LSAMP: variants seen among roughly 807,000 people sequenced by gnomAD.
The protein encoded by LSAMP is limbic system associated membrane protein.
LSAMP carries 7 observed loss-of-function variants against 38.6 expected under a neutral mutation model. The ratio of observed to expected loss-of-function variants is 0.18; its 90% CI spans 0.10 to 0.34. LSAMP has a LOEUF of 0.34. Among genes scored for constraint, LSAMP ranks in the 10% least tolerant of loss-of-function variants. The pLI is 1.00. For missense variants in LSAMP, 313 were observed against 420.0 expected, an observed-to-expected ratio of 0.75 and a Z score of 2.23; for synonymous variants, 154 against 166.8, an observed-to-expected ratio of 0.92 and a Z score of 0.59.
chr3:116,198,774 A>AAAAAAAAAAAAG (rs549926095), intron 1 of LSAMP, among the ~76,000 whole-genome samples: 1 of 148,584 alleles, frequency 6.7e-6, no homozygotes, highest in Non-Finnish European at 1.5e-5. Context: ...CCGTCTCAGA[A>AAAAAAAAAAAAG]AAAAAAAGAA....
chr3:116,280,094 G>A (rs1421106026), intron 1 of LSAMP, among the ~76,000 whole-genome samples: 1 of 152,142 alleles, frequency 6.6e-6, no homozygotes, highest in Admixed American at 6.5e-5. Context: ...TCACTCTGGT[G>A]TAACGTAAGA....
At chr3:116,396,624 C>T (rs1041823541) in intron 1 of LSAMP, among the ~76,000 whole-genome samples, 1 of 152,156 alleles carries the variant, frequency 6.6e-6, no homozygotes, top group Non-Finnish European at 1.5e-5. Flanking sequence ...TTTAGAGCTA[C>T]TTTATATTTC....
chr3:116,334,981 C>A (rs1425077921), intron 1 of LSAMP, among the ~76,000 whole-genome samples: 1 of 151,920 alleles, frequency 6.6e-6, no homozygotes. Flanking sequence ...TATAGAAAAT[C>A]TTAATAGTTC....
At position 116,168,373 on chromosome 3, in the gene LSAMP, G is replaced by GA. The variant is rs199679942; in HGVS notation, c.156-81818dup. ...ATTCATTTACATTTGAAACAAGAGA[G>GA]AAAAAAAAACCCATCATTTTATTGT... On this transcript the variant is annotated intron_variant, in intron 1 of 6. Transcript: ENST00000490035. Among the ~76,000 whole-genome samples the GA allele has an allele frequency of 1.8e-3, 272 of 150,292 alleles. 6 individuals are homozygous for GA. The highest frequency in any genetic ancestry group is 0.011 in the Admixed American group (169 of 15,118).
At chr3:116,101,500 TC>T (rs1416071294) in intron 1 of LSAMP, among the ~76,000 whole-genome samples, 1 of 152,206 alleles carries the variant, frequency 6.6e-6, no homozygotes, top group African/African-American at 2.4e-5. Context: ...AGTGATCAGA[TC>T]AGGGCAATCA....
intron 2 of LSAMP, among the ~76,000 whole-genome samples, chr3:116,073,510 T>C (rs1273814277): frequency 6.6e-6 from 1 of 152,210 alleles, no homozygotes; most frequent in Non-Finnish European, 1.5e-5. Context: ...CTTTGGGCAG[T>C]GTGGCCATTT....
intron 1 of LSAMP, among the ~76,000 whole-genome samples, chr3:116,126,196 C>A (rs557222626): frequency 6.6e-6 from 1 of 152,172 alleles, no homozygotes; most frequent in South Asian, 2.1e-4. Context: ...ACATCTGGAC[C>A]TCACACTGAA....
intron 3 of LSAMP, among the ~76,000 whole-genome samples, chr3:115,928,052 C>T (rs1937521163): frequency 6.6e-6 from 1 of 152,122 alleles, no homozygotes; most frequent in African/African-American, 2.4e-5. Flanking sequence ...TTTAAAATTG[C>T]AATCCCCATG....
chr3:116,091,236 G>A (rs766031122), intron 1 of LSAMP, among the ~76,000 whole-genome samples: 3 of 152,190 alleles, frequency 2.0e-5, no homozygotes, highest in Admixed American at 2.0e-4. Context: ...CCGGCTCACC[G>A]GCGGCCAGAG....
In LSAMP at chr3:116,333,545, A is replaced by G. The variant is rs949771350; in HGVS notation, c.155+111332T>C. ...CAAGGTTCCATCTCAAAAAAAAAAA[A>G]AAAAAAGATATCATACAAGTATCTT... is the stretch of plus-strand genomic sequence containing the variant. On this transcript the variant is annotated intron_variant, in intron 1 of 6. Coordinates refer to ENST00000490035, the MANE Select transcript of LSAMP (RefSeq NM_002338.5). Among the ~76,000 whole-genome samples the G allele has an allele frequency of 2.0e-5, 3 of 152,050 alleles. No individual in the cohort carries two copies. In the East Asian group the frequency reaches 5.8e-4, roughly 29 times the overall value.
intron 3 of LSAMP, among the ~76,000 whole-genome samples, chr3:115,949,739 C>A (rs911375597): frequency 1.3e-5 from 2 of 151,900 alleles, no homozygotes; most frequent in South Asian, 4.2e-4. Flanking sequence ...CTCTAAGAAG[C>A]CAGTATCACC....
intron 1 of LSAMP, among the ~76,000 whole-genome samples, chr3:116,435,241 C>T (rs960464293): frequency 6.6e-5 from 10 of 152,140 alleles, no homozygotes; most frequent in African/African-American, 2.2e-4. Flanking sequence ...TCTTTTACTC[C>T]TTAACTAGGT....
rs71323426 is a variant in LSAMP at position 116,080,975 on chromosome 3, A to G, written c.388+5349T>C. On this transcript the variant is annotated intron_variant, in intron 2 of 6. Transcript: ENST00000490035. ...ATGAGTTTATTAAGAAAGGGAAGGA[A>G]GAAGGATGGGAGTGAAGGAAGAAAG... Among the ~76,000 whole-genome samples the G allele has an allele frequency of 5.0e-3, 763 of 152,352 alleles. 3 individuals are homozygous for G. Among genetic ancestry groups the G allele is most frequent in the South Asian group, 9.5e-3 (46 of 4,830 alleles).
intron 2 of LSAMP, among the ~76,000 whole-genome samples, chr3:116,085,193 A>G (rs1017560687): frequency 1.3e-5 from 2 of 152,186 alleles, no homozygotes; most frequent in Non-Finnish European, 2.9e-5. Context: ...GCTAGTAGAC[A>G]TGCCTTTACA....
intron 1 of LSAMP, among the ~76,000 whole-genome samples, chr3:116,344,139 C>A (rs1278412764): frequency 6.6e-6 from 1 of 152,046 alleles, no homozygotes; most frequent in Non-Finnish European, 1.5e-5. Context: ...ATGGCACCAC[C>A]TTTTCCCAAA....
chr3:115,869,268 G>GA (rs1177222216), intron 3 of LSAMP, among the ~76,000 whole-genome samples: 284 of 143,908 alleles, frequency 2.0e-3, no homozygotes, highest in Non-Finnish European at 3.2e-3. Context: ...ATCTTGGAGG[G>GA]GGAGAGAGAG....
At chr3:115,926,362 G>A (rs1178736325) in intron 3 of LSAMP, among the ~76,000 whole-genome samples, 2 of 152,188 alleles carry the variant, frequency 1.3e-5, no homozygotes, top group Non-Finnish European at 2.9e-5. Context: ...TAGTCTTAGA[G>A]AACATAAGAA....
intron 1 of LSAMP, among the ~76,000 whole-genome samples, chr3:116,170,942 G>A (rs886670924): frequency 6.6e-6 from 1 of 152,012 alleles, no homozygotes; most frequent in Non-Finnish European, 1.5e-5. Flanking sequence ...AGAAAACCGA[G>A]AAATTTTCAA....
At chr3:115,854,285 T>TTATTATTATTA (rs1553740776) in intron 3 of LSAMP, among the ~76,000 whole-genome samples, 4 of 92,116 alleles carry the variant, frequency 4.3e-5, no homozygotes, top group South Asian at 3.3e-4. Context: ...TATTATTATT[T>TTATTATTATTA]TTTTTTTTTT....
Sources: gnomAD v4.1 joint callset for allele counts (sites outside exome capture counted in the v4.1 genomes callset) on GRCh38, gnomAD v4.1.1 for gene constraint, MANE v1.5 for transcripts, NCBI Gene and HGNC (gene_info 2026-07-23, HGNC 2026-07-21) for gene names.